MRS2: variants seen among roughly 807,000 people sequenced by gnomAD.
MRS2 encodes the protein magnesium transporter MRS2, also known as magnesium transporter MRS2 homolog, mitochondrial.
Under a neutral mutation model 52.6 loss-of-function variants are expected in MRS2, and 40 were observed. That is an observed-to-expected ratio of 0.76 (90% confidence interval 0.59 to 0.99). The LOEUF (loss-of-function observed/expected upper bound fraction) is 0.99. MRS2 is among the 50% of genes least tolerant of loss of function. The probability of loss-of-function intolerance (pLI) is 0.00; values close to 1 mark genes in which losing one functional copy is unlikely to be tolerated. For synonymous variants in MRS2, 193 were observed against 195.9 expected (o/e 0.98, Z 0.13); for missense variants, 472 against 532.7 (o/e 0.89, Z 1.12).
rs1406510879 is a variant in MRS2, at chr6:24,425,331, A to AT, written c.*1642dup. The AT allele has an allele frequency of 6.6e-5, 10 of 152,292 alleles. No individual in the cohort carries two copies. The highest frequency in any genetic ancestry group is 1.3e-4 in the Admixed American group (2 of 15,284). The allele number at this position is 152,292 out of a possible 1,614,324, so 9.4% of individuals were successfully genotyped here. ...TCAGGCATAAGATAGAATTTTTGTC[A>AT]TTTTTCCTTGCAGTTTTATTGACTT... On this transcript the variant is annotated 3_prime_UTR_variant, in exon 11 of 11. Coordinates refer to ENST00000378386, the MANE Select transcript of MRS2 (RefSeq NM_020662.4).
At chr6:24,422,716 G>A (rs2127298748) in intron 9 of MRS2, among the ~76,000 whole-genome samples, 1 of 152,270 alleles carries the variant, frequency 6.6e-6, no homozygotes, top group Middle Eastern at 3.4e-3. Flanking sequence ...AGTACATTTG[G>A]CATATAGATG....
chr6:24,422,936 G>A lies in MRS2; in HGVS notation c.1108-1G>A. On this transcript the variant is annotated splice_acceptor_variant, in intron 9 of 10. Transcript: ENST00000378386. LOFTEE classifies it high-confidence loss of function. ...TGGAAATGAACTGTGTTCTCTTTTA[G>A]GACCATAGAATTTTTTGGCTGATTA... 2 of 1,608,178 alleles carry A rather than the reference G, an allele frequency of 1.2e-6. No homozygotes were observed. The highest frequency in any genetic ancestry group is 1.7e-5 in the Admixed American group (1 of 59,836).
intron 4 of MRS2, among the ~76,000 whole-genome samples, chr6:24,411,968 AC>A (rs1761673339): frequency 6.7e-6 from 1 of 149,766 alleles, no homozygotes; most frequent in Non-Finnish European, 1.5e-5. Flanking sequence ...CAGTATCAAG[AC>A]ATATATTTTT....
chr6:24,422,675 C>T (rs1762087338), intron 9 of MRS2, among the ~76,000 whole-genome samples: 1 of 152,142 alleles, frequency 6.6e-6, no homozygotes, highest in Non-Finnish European at 1.5e-5. Context: ...CGCATGTAAA[C>T]AAAGGCTGCA....
intron 2 of MRS2, among the ~76,000 whole-genome samples, chr6:24,405,718 T>G (rs1260457319): frequency 6.6e-6 from 1 of 150,524 alleles, no homozygotes; most frequent in Non-Finnish European, 1.5e-5. Context: ...CAAAGGTGAC[T>G]CTAGGTGAAA....
intron 4 of MRS2, among the ~76,000 whole-genome samples, chr6:24,411,661 C>A (rs964587254): frequency 1.3e-5 from 2 of 152,200 alleles, no homozygotes; most frequent in Non-Finnish European, 1.5e-5. Flanking sequence ...GCCTCAGCCT[C>A]TGAAGTAGCT....
At chr6:24,411,949 G>A (rs1761672724) in intron 4 of MRS2, among the ~76,000 whole-genome samples, 1 of 148,288 alleles carries the variant, frequency 6.7e-6, no homozygotes, top group South Asian at 2.1e-4. Flanking sequence ...TTTATTGAGA[G>A]TGAGTTAGCA....
At position 24,408,350 on chromosome 6, in the gene MRS2, C is replaced by T. The variant is rs1374364643; in HGVS notation, c.265-58C>T. 1.1e-5 allele frequency: 12 copies of T among 1,113,166 alleles called. No homozygotes were observed. The East Asian group carries it at 2.8e-4, about 26-fold the overall frequency. 69.0% of individuals were successfully genotyped at this position (1,113,166 alleles called of 1,614,324 possible). The stretch of plus-strand genomic sequence containing the variant: ...AAATTCTTAACTAAATTAGCAATAC[C>T]ATAAGTAGCATTCTAATTTGAAAGA... On this transcript the variant is annotated intron_variant, in intron 2 of 10. Transcript: ENST00000378386.
intron 5 of MRS2, among the ~76,000 whole-genome samples, chr6:24,413,229 A>G (rs6920147): frequency 0.38 from 57,743 of 151,770 alleles, 11,442 homozygotes; most frequent in East Asian, 0.76. Flanking sequence ...TAGGAGAAAG[A>G]CAGGGATCTT....
chr6:24,415,544 T>C (rs562943777), intron 6 of MRS2, among the ~76,000 whole-genome samples: 3 of 152,340 alleles, frequency 2.0e-5, no homozygotes, highest in East Asian at 1.9e-4. Context: ...ATAACAATAT[T>C]ATATATGTAT....
intron 5 of MRS2, among the ~76,000 whole-genome samples, chr6:24,413,127 A>G (rs1761723404): frequency 6.6e-6 from 1 of 152,136 alleles, no homozygotes; most frequent in African/African-American, 2.4e-5. Flanking sequence ...CCAGTTACCA[A>G]GCAGGGGGAA....
chr6:24,405,633 G>A (rs143753681), intron 2 of MRS2, among the ~76,000 whole-genome samples: 334 of 151,970 alleles, frequency 2.2e-3, no homozygotes, highest in African/African-American at 7.5e-3. Context: ...GTGGGGATGA[G>A]GGGGGAAATG....
At chr6:24,418,702 C>T (rs1223858666) in intron 9 of MRS2, 124 bp downstream of exon 9, 28 of 689,242 alleles carry the variant, frequency 4.1e-5, no homozygotes, top group Non-Finnish European at 6.8e-5. Flanking sequence ...AGTTTGAGAC[C>T]AACCTGGCCA....
Position 24,412,472 on chromosome 6 carries a change from A to G in MRS2, c.588+77A>G. 5 of 1,197,430 alleles carry G rather than the reference A, an allele frequency of 4.2e-6. 1 individual carries two copies. In the East Asian group the frequency reaches 7.5e-5, roughly 18 times the overall value. The allele number at this position is 1,197,430 out of a possible 1,614,324, so 74.2% of individuals were successfully genotyped here. On this transcript the variant is annotated intron_variant, in intron 5 of 10. Transcript: ENST00000378386. Reference sequence around the variant, plus strand: ...ATTGAGTGGGAAGACAAGTTGGGGTATTGTTTCAATGGCATGTCCCCTGAC... The same window carrying G: ...ATTGAGTGGGAAGACAAGTTGGGGTGTTGTTTCAATGGCATGTCCCCTGAC...
chr6:24,419,016 T>G (rs1461720062), intron 9 of MRS2: 1 of 157,846 alleles, frequency 6.3e-6, no homozygotes, highest in African/African-American at 2.4e-5. Context: ...GGCAGGTAGA[T>G]CACGAGGTCA....
chr6:24,409,989 A>T (rs916631598), intron 4 of MRS2, among the ~76,000 whole-genome samples: 1 of 151,690 alleles, frequency 6.6e-6, no homozygotes, highest in East Asian at 2.0e-4. Context: ...TAAATTTTAT[A>T]GCCTTAATTT....
intron 9 of MRS2, 45 bp downstream of exon 9, chr6:24,418,623 G>A (rs370869034): frequency 2.0e-4 from 291 of 1,430,848 alleles, no homozygotes; most frequent in Non-Finnish European, 2.4e-4. Context: ...TTTTGGCCGG[G>A]CATGGTGGCT....
intron 2 of MRS2, among the ~76,000 whole-genome samples, 191 bp from the exon 3 acceptor site, chr6:24,408,217 A>G (rs1285449930): frequency 6.6e-6 from 1 of 152,194 alleles, no homozygotes; most frequent in Non-Finnish European, 1.5e-5. Flanking sequence ...CAAAGGAAAA[A>G]AGGATTTTAA....
rs76582568 is a variant in MRS2 at position 24,412,203 on chromosome 6, G to GTTT, written c.415-8_415-6dup. 10,967 of 1,216,092 alleles carry GTTT rather than the reference G, an allele frequency of 9.0e-3. 3 individuals carry two copies. The highest frequency in any genetic ancestry group is 0.053 in the East Asian group (2,009 of 37,794). The allele number at this position is 1,216,092 out of a possible 1,614,324, so 75.3% of individuals were successfully genotyped here. On this transcript the variant is annotated intron_variant, in intron 4 of 10. Coordinates refer to ENST00000378386, the MANE Select transcript of MRS2 (RefSeq NM_020662.4). ...TACACTCACATATTTATATGTTTTG[G>GTTT]TTTTTTTTTTTTTAACAGTATTTGA...
Sources: allele counts gnomAD v4.1 joint callset (sites outside exome capture counted in the v4.1 genomes callset), GRCh38; gene constraint gnomAD v4.1.1; transcripts MANE v1.5; gene names NCBI Gene and HGNC (gene_info 2026-07-23, HGNC 2026-07-21).